CSMD1: variants seen among roughly 807,000 people sequenced by gnomAD.
The protein encoded by CSMD1 is CUB and sushi domain-containing protein 1.
CSMD1 carries 213 observed loss-of-function variants against 417.5 expected under a neutral mutation model. That is an observed-to-expected ratio of 0.51 (90% CI 0.46 to 0.57). The LOEUF (loss-of-function observed/expected upper bound fraction) is 0.57. CSMD1 is among the 20% of genes least tolerant of loss of function. The pLI is 0.00. For missense variants in CSMD1, 6,923 were observed against 4,529.7 expected (o/e 1.53, Z -15.17); for synonymous variants, 2,862 against 1,736.8 (o/e 1.65, Z -16.11).
chr8:3,227,341 T>C (rs1798569801), intron 27 of CSMD1, among the ~76,000 whole-genome samples: 1 of 151,846 alleles, frequency 6.6e-6, no homozygotes, highest in Non-Finnish European at 1.5e-5. Context: ...GAGGTTGCAG[T>C]GAGTCGAAAT....
intron 1 of CSMD1, among the ~76,000 whole-genome samples, chr8:4,982,937 C>A (rs2117441078): frequency 6.6e-6 from 1 of 152,168 alleles, no homozygotes; most frequent in East Asian, 1.9e-4. Context: ...TTCCATAATC[C>A]TCTAATGTAA....
chr8:3,331,094 C>G (rs972817387), intron 23 of CSMD1, among the ~76,000 whole-genome samples: 1 of 152,016 alleles, frequency 6.6e-6, no homozygotes, highest in Non-Finnish European at 1.5e-5. Flanking sequence ...AAAAATTAGC[C>G]TGGCGTGGTG....
chr8:4,534,558 T>G (rs186418860), intron 2 of CSMD1, among the ~76,000 whole-genome samples: 5 of 152,252 alleles, frequency 3.3e-5, no homozygotes, highest in Admixed American at 6.5e-5. Flanking sequence ...TAGTACCCAA[T>G]AGGTAGTTTT....
intron 52 of CSMD1, among the ~76,000 whole-genome samples, chr8:3,017,522 G>A (rs1808947740): frequency 6.6e-6 from 1 of 152,142 alleles, no homozygotes; most frequent in Non-Finnish European, 1.5e-5. Context: ...TAGACAGAGT[G>A]AGAAAGAGTG....
intron 54 of CSMD1, among the ~76,000 whole-genome samples, chr8:2,988,910 C>G (rs1806152037): frequency 6.6e-6 from 1 of 152,152 alleles, no homozygotes; most frequent in African/African-American, 2.4e-5. Context: ...TTCCGCCTCA[C>G]AGTAGCACGG....
intron 16 of CSMD1, among the ~76,000 whole-genome samples, 153 bp downstream of exon 16, chr8:3,399,238 A>T (rs1330152777): frequency 1.3e-5 from 2 of 152,176 alleles, no homozygotes; most frequent in African/African-American, 4.8e-5. Flanking sequence ...AAGAAGAACA[A>T]AACTTACAAG....
At chr8:3,621,389 A>T (rs1441406849) in intron 7 of CSMD1, among the ~76,000 whole-genome samples, 1 of 152,168 alleles carries the variant, frequency 6.6e-6, no homozygotes, top group African/African-American at 2.4e-5. Context: ...GAGTAATCAA[A>T]GTCAGAGAGC....
intron 2 of CSMD1, among the ~76,000 whole-genome samples, chr8:4,576,271 C>G (rs1366782512): frequency 6.6e-6 from 1 of 152,202 alleles, no homozygotes; most frequent in Non-Finnish European, 1.5e-5. Flanking sequence ...AAGCACAAGG[C>G]TTCCTCTTGC....
chr8:3,298,426 T>C (rs62504377), intron 25 of CSMD1, among the ~76,000 whole-genome samples: 12,793 of 152,006 alleles, frequency 0.084, 675 homozygotes, highest in Non-Finnish European at 0.12. Context: ...GGAAATGAAG[T>C]GAGACACATA....
intron 1 of CSMD1, among the ~76,000 whole-genome samples, chr8:4,699,015 T>C (rs539950408): frequency 1.3e-5 from 2 of 152,220 alleles, no homozygotes; most frequent in South Asian, 4.1e-4. Flanking sequence ...CTCCACTATC[T>C]ATGCCTTTCA....
At chr8:4,479,899 G>C (rs1800995720) in intron 2 of CSMD1, among the ~76,000 whole-genome samples, 2 of 151,434 alleles carry the variant, frequency 1.3e-5, no homozygotes, top group African/African-American at 4.9e-5. Context: ...CTGGGAGGCA[G>C]AGGTTGCAGT....
rs188761056 is a variant in CSMD1 at position 3,680,104 on chromosome 8, C to A, written c.1009+28310G>T. 2.8e-3 allele frequency among the ~76,000 whole-genome samples: 425 copies of A among 152,006 alleles called. 2 individuals carry two copies. Among genetic ancestry groups the A allele is most frequent in the African/African-American group, 9.7e-3 (401 of 41,440 alleles). ...AGCAGGAAAGACCTATAATCGACAC[C>A]ATAACATCACAATTGAAACAACTAG... On this transcript the variant is annotated intron_variant, in intron 7 of 69. Coordinates refer to ENST00000635120, the MANE Select transcript of CSMD1 (RefSeq NM_033225.6).
chr8:3,106,668 G>C, intron 45 of CSMD1, 27 bp from the exon 46 acceptor site: 2 of 1,434,194 alleles, frequency 1.4e-6, no homozygotes, highest in Non-Finnish European at 2.0e-6. Context: ...AACAAACCAG[G>C]AAATTGTGTG....
At chr8:4,082,766 C>CGA in intron 3 of CSMD1, among the ~76,000 whole-genome samples, 1 of 105,344 alleles carries the variant, frequency 9.5e-6, no homozygotes, top group Middle Eastern at 9.4e-3. Context: ...CCTCCCCCCT[C>CGA]CCCCCACCCC....
chr8:4,361,233 C>G lies in CSMD1; in HGVS notation c.415+58720G>C, dbSNP rs572187822. On this transcript the variant is annotated intron_variant, in intron 3 of 69. Coordinates refer to ENST00000635120, the MANE Select transcript of CSMD1 (RefSeq NM_033225.6). Reference sequence around the variant, plus strand: ...TTTTCAGTGGAATACCTAAGTTACTCAAAAAGCAGGAAGGAAAAGGCGTAA... The same window carrying G: ...TTTTCAGTGGAATACCTAAGTTACTGAAAAAGCAGGAAGGAAAAGGCGTAA... Among the ~76,000 whole-genome samples the G allele has an allele frequency of 3.3e-5, 5 of 152,098 alleles. No individual in the cohort carries two copies. The South Asian group carries it at 1.0e-3, about 32-fold the overall frequency.
At chr8:4,617,270 C>T (rs1008218161) in intron 2 of CSMD1, among the ~76,000 whole-genome samples, 1 of 152,120 alleles carries the variant, frequency 6.6e-6, no homozygotes, top group African/African-American at 2.4e-5. Context: ...TTACTTGCTT[C>T]ACCTTCTTTT....
Position 3,347,985 on chromosome 8 carries a change from T to G in CSMD1, c.3474+7A>C. ...GGAGTCATCATGTTGGAGAAGATTC[T>G]TTTTACCTTTAGAGTATCTCCTTCA... On this transcript the variant is annotated splice_region_variant and intron_variant, in intron 22 of 69. Transcript: ENST00000635120. 6.4e-7 allele frequency: 1 copy of G among 1,558,766 alleles called. No homozygotes were observed.
intron 10 of CSMD1, among the ~76,000 whole-genome samples, chr8:3,536,402 G>A (rs1015269821): frequency 3.3e-5 from 5 of 152,214 alleles, no homozygotes; most frequent in Admixed American, 1.3e-4. Flanking sequence ...ACGTGCAACT[G>A]TAGAGGAAGA....
chr8:3,125,979 A>C (rs1817489426), intron 41 of CSMD1, among the ~76,000 whole-genome samples: 1 of 152,212 alleles, frequency 6.6e-6, no homozygotes, highest in Admixed American at 6.5e-5. Context: ...TCCACCTCAA[A>C]AAAAGAAAAA....
Sources: gnomAD v4.1 joint callset for allele counts (sites outside exome capture counted in the v4.1 genomes callset) on GRCh38, gnomAD v4.1.1 for gene constraint, MANE v1.5 for transcripts, NCBI Gene and HGNC (gene_info 2026-07-23, HGNC 2026-07-21) for gene names.